MCUB: variants seen among roughly 807,000 people sequenced by gnomAD.
The protein encoded by MCUB is calcium uniporter regulatory subunit MCUb, mitochondrial.
In MCUB, 46 loss-of-function variants were observed where a neutral mutation model predicts 41.4. The observed-to-expected ratio is 1.11, with a 90% CI of 0.88 to 1.42. The LOEUF is 1.42. Among genes scored for constraint, MCUB ranks in the 40% most tolerant of loss-of-function variants. The probability of loss-of-function intolerance (pLI) is 0.00; values close to 1 mark genes in which losing one functional copy is unlikely to be tolerated. For synonymous variants in MCUB, 148 were observed against 148.2 expected (o/e 1.00, Z 0.01); for missense variants, 403 against 404.9 (o/e 1.00, Z 0.04).
At chr4:109,634,486 A>AAAAG (rs1561234930) in intron 1 of MCUB, among the ~76,000 whole-genome samples, 1 of 25,212 alleles carries the variant, frequency 4.0e-5, no homozygotes, top group African/African-American at 1.5e-4. Context: ...TCTGTCTCAG[A>AAAAG]AAAAAAAAAA....
chr4:109,671,004 C>T (rs1215942600), intron 4 of MCUB, among the ~76,000 whole-genome samples: 2 of 152,204 alleles, frequency 1.3e-5, no homozygotes, highest in African/African-American at 2.4e-5. Flanking sequence ...GATTTCTGCT[C>T]ATGAGTCTCT....
intron 1 of MCUB, among the ~76,000 whole-genome samples, chr4:109,584,921 T>C (rs1340934935): frequency 2.0e-5 from 3 of 152,298 alleles, no homozygotes; most frequent in African/African-American, 7.2e-5. Context: ...GAAGAATGTA[T>C]ATTCTGTTGC....
chr4:109,591,835 A>T (rs900539553), intron 1 of MCUB, among the ~76,000 whole-genome samples: 4 of 151,838 alleles, frequency 2.6e-5, no homozygotes, highest in African/African-American at 9.7e-5. Context: ...AGTAGCTGGG[A>T]TTACAGGCAT....
Position 109,687,879 on chromosome 4 carries a change from G to A in MCUB, c.*287G>A. ...TTTATTCTCTATGTGGAGGTGAAAG[G>A]GTCTGTGCTTGGCATTCACTTCCAT... On this transcript the variant is annotated 3_prime_UTR_variant, in exon 8 of 8. Transcript: ENST00000394650. The A allele has an allele frequency of 6.2e-6, 2 of 323,550 alleles. No homozygotes were observed. Among genetic ancestry groups the A allele is most frequent in the Non-Finnish European group, 1.1e-5 (2 of 178,254 alleles). 20.0% of individuals were successfully genotyped at this position (323,550 alleles called of 1,614,324 possible).
chr4:109,638,819 C>T (rs927145223), intron 1 of MCUB, among the ~76,000 whole-genome samples: 3 of 152,210 alleles, frequency 2.0e-5, no homozygotes, highest in African/African-American at 7.2e-5. Flanking sequence ...AGAGTAGATT[C>T]CATCTCAAGA....
At chr4:109,590,938 G>A (rs1186603466) in intron 1 of MCUB, among the ~76,000 whole-genome samples, 2 of 152,086 alleles carry the variant, frequency 1.3e-5, no homozygotes, top group Non-Finnish European at 2.9e-5. Context: ...TTGTTGGTAT[G>A]CATGCACCCA....
At chr4:109,588,987 A>G (rs1727372869) in intron 1 of MCUB, among the ~76,000 whole-genome samples, 1 of 152,208 alleles carries the variant, frequency 6.6e-6, no homozygotes, top group Non-Finnish European at 1.5e-5. Context: ...TGAAAAAAAA[A>G]TAATGAGAAG....
In MCUB at chr4:109,583,114, C is replaced by G. The variant is rs141525456; in HGVS notation, c.99+22678C>G. Among the ~76,000 whole-genome samples the G allele has an allele frequency of 1.0e-2, 1,517 of 152,182 alleles. 23 individuals carry two copies. The highest frequency in any genetic ancestry group is 0.034 in the African/African-American group (1,412 of 41,516). On this transcript the variant is annotated intron_variant, in intron 1 of 7. Coordinates refer to ENST00000394650, the MANE Select transcript of MCUB (RefSeq NM_017918.5). Reference sequence around the variant, plus strand: ...ATTCTGTGAAGAAAGTCATTGATAGCTTGATGGGTATGGCATTGAATCTAT... The same window carrying G: ...ATTCTGTGAAGAAAGTCATTGATAGGTTGATGGGTATGGCATTGAATCTAT...
At chr4:109,656,381 T>G (rs1308185338) in intron 1 of MCUB, among the ~76,000 whole-genome samples, 2 of 27,532 alleles carry the variant, frequency 7.3e-5, no homozygotes, top group African/African-American at 4.0e-4. Context: ...TTTTTTTTTT[T>G]TTTTTTTTTT....
intron 1 of MCUB, among the ~76,000 whole-genome samples, chr4:109,629,892 C>T (rs1290335665): frequency 1.3e-5 from 2 of 152,196 alleles, no homozygotes; most frequent in Non-Finnish European, 2.9e-5. Flanking sequence ...TCAACTTAAC[C>T]TTCAGCTTCT....
At chr4:109,677,305 T>C (rs2126149787) in intron 4 of MCUB, among the ~76,000 whole-genome samples, 1 of 152,306 alleles carries the variant, frequency 6.6e-6, no homozygotes, top group South Asian at 2.1e-4. Context: ...GATTTCAGAC[T>C]CACAGCTGGA....
intron 1 of MCUB, among the ~76,000 whole-genome samples, chr4:109,585,204 G>T (rs574081257): frequency 5.5e-4 from 83 of 152,194 alleles, no homozygotes; most frequent in Non-Finnish European, 1.0e-3. Context: ...TTAGGCAATG[G>T]CCTTCTTTGT....
intron 1 of MCUB, among the ~76,000 whole-genome samples, chr4:109,655,195 A>C (rs1729063528): frequency 6.6e-6 from 1 of 152,250 alleles, no homozygotes; most frequent in Non-Finnish European, 1.5e-5. Flanking sequence ...TACATAAAGC[A>C]AGGTACAGTT....
intron 1 of MCUB, among the ~76,000 whole-genome samples, chr4:109,656,350 T>A (rs1729098832): frequency 7.2e-6 from 1 of 139,102 alleles, no homozygotes; most frequent in Non-Finnish European, 1.6e-5. Context: ...ACTTTTACTC[T>A]CTACTTTTTT....
intron 1 of MCUB, among the ~76,000 whole-genome samples, chr4:109,568,545 C>G (rs897493072): frequency 2.0e-5 from 3 of 152,132 alleles, no homozygotes; most frequent in African/African-American, 7.2e-5. Flanking sequence ...CTTCACCCTC[C>G]TGACTTCTAC....
chr4:109,686,184 C>G (rs570639008), intron 7 of MCUB, among the ~76,000 whole-genome samples: 1 of 152,194 alleles, frequency 6.6e-6, no homozygotes, highest in African/African-American at 2.4e-5. Context: ...GTTGCCCACA[C>G]TAGAGTGTAG....
At chr4:109,640,332 CAG>C (rs1554018981) in intron 1 of MCUB, among the ~76,000 whole-genome samples, 24 of 152,232 alleles carry the variant, frequency 1.6e-4, no homozygotes, top group African/African-American at 5.5e-4. Flanking sequence ...GTGCAGGTCA[CAG>C]GGGATATGAT....
chr4:109,590,413 T>C (rs1375182973), intron 1 of MCUB, among the ~76,000 whole-genome samples: 1 of 152,240 alleles, frequency 6.6e-6, no homozygotes, highest in African/African-American at 2.4e-5. Flanking sequence ...GTGTGTTATC[T>C]AGCTGTTTTA....
At position 109,581,177 on chromosome 4, in the gene MCUB, CAG is replaced by C. The variant is rs1164742858; in HGVS notation, c.99+20745_99+20746del. Among the ~76,000 whole-genome samples, 10 of 152,120 alleles carry C rather than the reference CAG, an allele frequency of 6.6e-5. 1 individual carries two copies. The highest frequency in any genetic ancestry group is 3.9e-4 in the Admixed American group (6 of 15,274). On this transcript the variant is annotated intron_variant, in intron 1 of 7. Transcript: ENST00000394650. ...AAACAGCATGGTACTGGTACCAAAA[CAG>C]AGATATATAGACCAATGGAACAGAA... is the stretch of plus-strand genomic sequence containing the variant.
Sources: allele counts gnomAD v4.1 joint callset (sites outside exome capture counted in the v4.1 genomes callset), GRCh38; gene constraint gnomAD v4.1.1; transcripts MANE v1.5; gene names NCBI Gene and HGNC (gene_info 2026-07-23, HGNC 2026-07-21).